Variants in UMPS observed in about 807,000 individuals in gnomAD.
UMPS encodes the protein uridine monophosphate synthetase, also known as uridine 5'-monophosphate synthase.
A neutral mutation model predicts 38.9 loss-of-function variants in UMPS; 21 were observed. The ratio of observed to expected loss-of-function variants is 0.54; its 90% confidence interval spans 0.38 to 0.78. The LOEUF is 0.78. UMPS is among the 30% of genes least tolerant of loss of function. The probability of loss-of-function intolerance (pLI) is 0.00; values close to 1 mark genes in which losing one functional copy is unlikely to be tolerated. For missense variants in UMPS, 533 were observed against 591.6 expected (o/e 0.90, Z 1.03); for synonymous variants, 208 against 219.3 (o/e 0.95, Z 0.45).
At position 124,743,940 on chromosome 3, in the gene UMPS, T is replaced by C. The variant is rs146176526; in HGVS notation, c.1299T>C (p.Asn433=). ...GAGATAATCTTGGCCAACAGTACAA[T>C]AGCCCACAAGAAGTTATTGGCAAAC... ...AGGDNLGQQY[N]SPQEVIGKRG... is the part of the protein sequence containing the mutation. The change falls in exon 6 of 6, where the codon AAT becomes AAC. Residue 433 remains asparagine (N), a synonymous_variant. Transcript: ENST00000232607. 217 of 1,614,090 alleles carry C rather than the reference T, an allele frequency of 1.3e-4. No homozygotes were observed. Among genetic ancestry groups the C allele is most frequent in the Non-Finnish European group, 1.8e-4 (208 of 1,180,036 alleles).
Position 124,746,627 on chromosome 3 carries a change from G to A in UMPS, c.*2543G>A, listed in dbSNP as rs1024254904. ...CTGGGCATTGTAACTCCTGGTCTTA[G>A]TGGGGAATATAGGGACCCCATGTCT... On this transcript the variant is annotated 3_prime_UTR_variant, in exon 6 of 6. Coordinates refer to ENST00000232607, the MANE Select transcript of UMPS (RefSeq NM_000373.4). The A allele has an allele frequency of 6.6e-6, 3 of 453,994 alleles. No individual in the cohort carries two copies. Among genetic ancestry groups the A allele is most frequent in the African/African-American group, 6.0e-5 (3 of 49,996 alleles). The allele number at this position is 453,994 out of a possible 1,614,324, so 28.1% of individuals were successfully genotyped here. A position where few individuals can be genotyped will look rare whatever the true frequency, so the allele number is the denominator to read the frequency against.
intron 1 of UMPS, among the ~76,000 whole-genome samples, chr3:124,734,487 T>G (rs553782894): frequency 4.6e-5 from 7 of 152,166 alleles, no homozygotes; most frequent in Non-Finnish European, 8.8e-5. Context: ...TCGTCCTTAG[T>G]CTTTGGGGTC....
At position 124,730,518 on chromosome 3, in the gene UMPS, A is replaced by G; in HGVS notation, c.47A>G (p.Tyr16Cys). The stretch of plus-strand genomic sequence containing the variant: ...TTGGGGCCATTGGTGACGGGTCTGT[A>G]CGACGTGCAGGCTTTCAAGTTTGGG... The part of the protein sequence containing the change: ...AALGPLVTGL[Y>C]DVQAFKFGDF... The change falls in exon 1 of 6, where the codon TAC becomes TGC. Residue 16 changes from tyrosine to cysteine, a missense_variant. By Grantham distance (194) the Tyr-to-Cys change is radical (BLOSUM62 -2). Coordinates refer to ENST00000232607, the MANE Select transcript of UMPS (RefSeq NM_000373.4). 1 of 1,614,186 alleles carries G rather than the reference A, an allele frequency of 6.2e-7. No homozygotes were observed. The highest frequency in any genetic ancestry group is 1.1e-5 in the South Asian group (1 of 91,080).
intron 2 of UMPS, among the ~76,000 whole-genome samples, chr3:124,735,988 A>AC (rs397844100): frequency 1.2e-3 from 187 of 152,020 alleles, no homozygotes; most frequent in African/African-American, 4.5e-3. Flanking sequence ...AACAAAAAAA[A>AC]CCCTGAAAAT....
At position 124,745,418 on chromosome 3, in the gene UMPS, C is replaced by G. The variant is rs1245829910; in HGVS notation, c.*1334C>G. 4.4e-6 allele frequency: 2 copies of G among 452,664 alleles called. No homozygotes were observed. Among genetic ancestry groups the G allele is most frequent in the Non-Finnish European group, 4.4e-6 (1 of 226,598 alleles). The allele number at this position is 452,664 out of a possible 1,614,324, so 28.0% of individuals were successfully genotyped here. The stretch of plus-strand genomic sequence containing the variant: ...TCTCACTGTCGCCCAGGCTGGAGTT[C>G]AGTGGCACGATCTCGGCTCACTGCA... On this transcript the variant is annotated 3_prime_UTR_variant, in exon 6 of 6. Transcript: ENST00000232607.
intron 4 of UMPS, 58 bp from the exon 5 acceptor site, chr3:124,742,094 C>T (rs1247030277): frequency 7.3e-5 from 79 of 1,083,994 alleles, no homozygotes; most frequent in Middle Eastern, 5.1e-4. Flanking sequence ...CATATTTTTA[C>T]TTTTATTCTG....
chr3:124,745,867 A>T lies in UMPS; in HGVS notation c.*1783A>T, dbSNP rs1440222704. 2.2e-6 allele frequency: 1 copy of T among 454,088 alleles called. No homozygotes were observed. Among genetic ancestry groups the T allele is most frequent in the Non-Finnish European group, 4.4e-6 (1 of 226,790 alleles). 28.1% of individuals were successfully genotyped at this position (454,088 alleles called of 1,614,324 possible). A position where few individuals can be genotyped will look rare whatever the true frequency, so the allele number is the denominator to read the frequency against. ...TCCCTGGCTGTCACTTCCATGTGTCAGTGGTTCTCCCACTTTAGCAGGTAT... is the reference window on the plus strand; with the variant it reads ...TCCCTGGCTGTCACTTCCATGTGTCTGTGGTTCTCCCACTTTAGCAGGTAT... On this transcript the variant is annotated 3_prime_UTR_variant, in exon 6 of 6. Coordinates refer to ENST00000232607, the MANE Select transcript of UMPS (RefSeq NM_000373.4).
Position 124,747,096 on chromosome 3 carries a change from A to G in UMPS, c.*3012A>G, listed in dbSNP as rs1445825720. 1 of 453,800 alleles carries G rather than the reference A, an allele frequency of 2.2e-6. No individual in the cohort carries two copies. The highest frequency in any genetic ancestry group is 4.4e-6 in the Non-Finnish European group (1 of 226,614). 28.1% of individuals were successfully genotyped at this position (453,800 alleles called of 1,614,324 possible). A position where few individuals can be genotyped will look rare whatever the true frequency, so the allele number is the denominator to read the frequency against. ...TCACTGCAACCTTGACTTGGGCTCAAGCGATCCGCTCAAGTAGCTGGAACT... is the reference window on the plus strand; with the variant it reads ...TCACTGCAACCTTGACTTGGGCTCAGGCGATCCGCTCAAGTAGCTGGAACT... On this transcript the variant is annotated 3_prime_UTR_variant, in exon 6 of 6. Coordinates refer to ENST00000232607, the MANE Select transcript of UMPS (RefSeq NM_000373.4).
chr3:124,747,238 CTCAG>C lies in UMPS; in HGVS notation c.*3156_*3159del. 2.2e-6 allele frequency: 1 copy of C among 451,932 alleles called. No homozygotes were observed. Among genetic ancestry groups the C allele is most frequent in the South Asian group, 1.5e-5 (1 of 64,950 alleles). 28.0% of individuals were successfully genotyped at this position (451,932 alleles called of 1,614,324 possible). A position where few individuals can be genotyped will look rare whatever the true frequency, so the allele number is the denominator to read the frequency against. ...ACGGTGGAGGAGGTTCTCACTGTGA[CTCAG>C]TGTGTGCCCGACAGCAGAGCCCACA... On this transcript the variant is annotated 3_prime_UTR_variant, in exon 6 of 6. Coordinates refer to ENST00000232607, the MANE Select transcript of UMPS (RefSeq NM_000373.4).
intron 5 of UMPS, 101 bp downstream of exon 5, chr3:124,742,367 C>T: frequency 2.3e-6 from 2 of 864,464 alleles, no homozygotes; most frequent in South Asian, 2.7e-5. Context: ...TTAAGAAAAG[C>T]CTTCTTAGTC....
At chr3:124,736,479 G>GT (rs1232141669) in intron 2 of UMPS, among the ~76,000 whole-genome samples, 3 of 151,108 alleles carry the variant, frequency 2.0e-5, no homozygotes, top group African/African-American at 7.3e-5. Context: ...TTTGTTTTTT[G>GT]TTTTTTTGAG....
Position 124,745,930 on chromosome 3 carries a change from C to T in UMPS, c.*1846C>T. On this transcript the variant is annotated 3_prime_UTR_variant, in exon 6 of 6. Transcript: ENST00000232607. ...GAGTCTTGTCAAAACAGGTACCAGC[C>T]CCACCCGCAGCGTTTCTGACTCTGG... 1 of 454,062 alleles carries T rather than the reference C, an allele frequency of 2.2e-6. No homozygotes were observed. The highest frequency in any genetic ancestry group is 4.4e-6 in the Non-Finnish European group (1 of 226,766). The allele number at this position is 454,062 out of a possible 1,614,324, so 28.1% of individuals were successfully genotyped here.
intron 2 of UMPS, among the ~76,000 whole-genome samples, chr3:124,735,575 A>C (rs1245186461): frequency 6.6e-6 from 1 of 152,106 alleles, no homozygotes; most frequent in East Asian, 1.9e-4. Context: ...TTTAAACTTC[A>C]TGAAAAGTAA....
In UMPS at chr3:124,742,189, G is replaced by A; in HGVS notation, c.1196G>A (p.Gly399Asp). The change falls in exon 5 of 6, where the codon GGT becomes GAT. Residue 399 changes from glycine to aspartate, a missense_variant. Physicochemically the swap from Gly to Asp is moderately conservative, Grantham distance 94 (BLOSUM62 -1). Coordinates refer to ENST00000232607, the MANE Select transcript of UMPS (RefSeq NM_000373.4). ...MAEEHSEFVV[G>D]FISGSRVSMK... ...GAGGAGCACTCTGAATTTGTTGTTG[G>A]TTTTATTTCTGGCTCCCGAGTAAGC... 6.2e-7 allele frequency: 1 copy of A among 1,613,984 alleles called. No individual in the cohort carries two copies. Among genetic ancestry groups the A allele is most frequent in the Non-Finnish European group, 8.5e-7 (1 of 1,180,002 alleles).
chr3:124,738,140 A>T lies in UMPS; in HGVS notation c.883A>T (p.Met295Leu), dbSNP rs780388241. 44 of 1,614,096 alleles carry T rather than the reference A, an allele frequency of 2.7e-5. No individual in the cohort carries two copies. Among genetic ancestry groups the T allele is most frequent in the Non-Finnish European group, 3.7e-5 (44 of 1,180,056 alleles). ...DILNDFTLDV[M>L]KELITLAKCH... ...TTTGAATGATTTTACTCTGGATGTG[A>T]TGAAGGAGTTGATAACTCTGGCAAA... The change falls in exon 3 of 6, where the codon ATG (methionine) becomes TTG (leucine). Residue 295 changes from methionine to leucine, a missense_variant. Transcript: ENST00000232607.
chr3:124,748,382 C>G lies in UMPS; in HGVS notation c.*4298C>G, dbSNP rs1487243682. On this transcript the variant is annotated 3_prime_UTR_variant, in exon 6 of 6. Coordinates refer to ENST00000232607, the MANE Select transcript of UMPS (RefSeq NM_000373.4). Reference sequence around the variant, plus strand: ...GCCTTGTATGAGTTACCCTGCAATCCCTTTGTTTTCCCCATAACCCTTCCA... The same window carrying G: ...GCCTTGTATGAGTTACCCTGCAATCGCTTTGTTTTCCCCATAACCCTTCCA... The G allele has an allele frequency of 4.4e-6, 2 of 453,990 alleles. No individual in the cohort carries two copies. Among genetic ancestry groups the G allele is most frequent in the South Asian group, 3.1e-5 (2 of 64,454 alleles). The allele number at this position is 453,990 out of a possible 1,614,324, so 28.1% of individuals were successfully genotyped here.
Position 124,749,191 on chromosome 3 carries a change from C to G in UMPS, c.*5107C>G, listed in dbSNP as rs1559911779. On this transcript the variant is annotated 3_prime_UTR_variant, in exon 6 of 6. Transcript: ENST00000232607. ...CCACAACTTGAATAGATACTTGAAG[C>G]AGAGATGATGTTGAGTTAAAAAAAA... 1 of 453,854 alleles carries G rather than the reference C, an allele frequency of 2.2e-6. No homozygotes were observed. The highest frequency in any genetic ancestry group is 1.6e-5 in the South Asian group (1 of 64,470). The allele number at this position is 453,854 out of a possible 1,614,324, so 28.1% of individuals were successfully genotyped here. A position where few individuals can be genotyped will look rare whatever the true frequency, so the allele number is the denominator to read the frequency against.
At position 124,747,903 on chromosome 3, in the gene UMPS, C is replaced by G; in HGVS notation, c.*3819C>G. 2.2e-6 allele frequency: 1 copy of G among 453,760 alleles called. No homozygotes were observed. The highest frequency in any genetic ancestry group is 1.6e-5 in the South Asian group (1 of 64,466). 28.1% of individuals were successfully genotyped at this position (453,760 alleles called of 1,614,324 possible). ...GTCATTGAAAATGACCATGAGTAAC[C>G]CTGTGGACTCTCTGCAGCTTGGTTC... is the stretch of plus-strand genomic sequence containing the variant. On this transcript the variant is annotated 3_prime_UTR_variant, in exon 6 of 6. Coordinates refer to ENST00000232607, the MANE Select transcript of UMPS (RefSeq NM_000373.4).
Position 124,745,657 on chromosome 3 carries a change from A to T in UMPS, c.*1573A>T, listed in dbSNP as rs890293588. 1.8e-5 allele frequency: 8 copies of T among 453,920 alleles called. No homozygotes were observed. Among genetic ancestry groups the T allele is most frequent in the Admixed American group, 9.4e-5 (4 of 42,544 alleles). 28.1% of individuals were successfully genotyped at this position (453,920 alleles called of 1,614,324 possible). The stretch of plus-strand genomic sequence containing the variant: ...TGTGGGAGAGACCAACTCTCAAGGA[A>T]GAAGTGGCCACAGAAGGAGCAGGAA... On this transcript the variant is annotated 3_prime_UTR_variant, in exon 6 of 6. Transcript: ENST00000232607.
Sources: allele counts gnomAD v4.1 joint callset (sites outside exome capture counted in the v4.1 genomes callset), GRCh38; gene constraint gnomAD v4.1.1; transcripts MANE v1.5; gene names NCBI Gene and HGNC (gene_info 2026-07-23, HGNC 2026-07-21).